Variants in MBOAT2 observed in about 807,000 individuals in gnomAD.
MBOAT2 encodes membrane-bound glycerophospholipid O-acyltransferase 2.
A neutral mutation model predicts 63.4 loss-of-function variants in MBOAT2; 28 were observed. The observed-to-expected ratio is 0.44, with a 90% CI of 0.33 to 0.61. The LOEUF is 0.61. MBOAT2 is among the 20% of genes least tolerant of loss of function. The pLI is 0.03. For synonymous variants in MBOAT2, 211 were observed against 215.6 expected, an observed-to-expected ratio of 0.98 and a Z score of 0.19; for missense variants, 470 against 605.8, an observed-to-expected ratio of 0.78 and a Z score of 2.35.
intron 1 of MBOAT2, among the ~76,000 whole-genome samples, chr2:8,982,422 C>G (rs563381118): frequency 1.8e-4 from 27 of 152,284 alleles, no homozygotes; most frequent in Admixed American, 1.6e-3. Context: ...AAAATCAATT[C>G]TAGTTCTTCG....
intron 1 of MBOAT2, among the ~76,000 whole-genome samples, chr2:8,962,406 G>A (rs1669678503): frequency 6.6e-6 from 1 of 152,196 alleles, no homozygotes; most frequent in African/African-American, 2.4e-5. Context: ...GGTAGACAGA[G>A]GATGTATTTC....
intron 1 of MBOAT2, among the ~76,000 whole-genome samples, chr2:8,967,734 C>T (rs1670100629): frequency 1.3e-5 from 2 of 151,950 alleles, no homozygotes; most frequent in African/African-American, 4.8e-5. Flanking sequence ...AGTGATAGAT[C>T]CAAACACATA....
rs186800543 is a variant in MBOAT2, at chr2:8,877,834, C to T, written c.507-621G>A. ...AGGCAGAGGGAATGATGCGTGAAGA[C>T]CCCTGAGCTGGGCACGGCTGGCAGC... On this transcript the variant is annotated intron_variant, in intron 6 of 12. Coordinates refer to ENST00000305997, the MANE Select transcript of MBOAT2 (RefSeq NM_138799.4). 5.4e-3 allele frequency among the ~76,000 whole-genome samples: 821 copies of T among 152,160 alleles called. 4 individuals are homozygous for T. The highest frequency in any genetic ancestry group is 8.5e-3 in the Non-Finnish European group (578 of 67,994).
intron 1 of MBOAT2, among the ~76,000 whole-genome samples, chr2:8,965,166 G>C (rs916184272): frequency 2.6e-5 from 4 of 152,106 alleles, no homozygotes; most frequent in African/African-American, 9.7e-5. Context: ...TTAAAAAACA[G>C]AAAATAGTTC....
intron 3 of MBOAT2, among the ~76,000 whole-genome samples, chr2:8,915,659 T>A (rs1335131002): frequency 2.0e-5 from 3 of 152,186 alleles, no homozygotes; most frequent in Non-Finnish European, 4.4e-5. Flanking sequence ...TTTTTCAAGT[T>A]CACACATCAG....
chr2:8,945,691 T>C (rs970625743), intron 2 of MBOAT2, among the ~76,000 whole-genome samples: 3 of 152,158 alleles, frequency 2.0e-5, no homozygotes, highest in African/African-American at 7.2e-5. Context: ...CTGTGGATCA[T>C]CATCTTTTAA....
At chr2:8,978,435 TTTAC>T (rs1394546024) in intron 1 of MBOAT2, among the ~76,000 whole-genome samples, 1 of 152,164 alleles carries the variant, frequency 6.6e-6, no homozygotes, top group Non-Finnish European at 1.5e-5. Context: ...TGTAAACAAT[TTTAC>T]TTATTTATTA....
intron 1 of MBOAT2, among the ~76,000 whole-genome samples, chr2:8,995,658 T>C (rs1672236395): frequency 1.3e-5 from 2 of 151,112 alleles, no homozygotes; most frequent in African/African-American, 4.9e-5. Context: ...TGGCACGATC[T>C]TGGCTCACTG....
chr2:8,942,144 C>G lies in MBOAT2; in HGVS notation c.299+1043G>C, dbSNP rs556837202. Among the ~76,000 whole-genome samples, 10 of 152,236 alleles carry G rather than the reference C, an allele frequency of 6.6e-5. No homozygotes were observed. In the South Asian group the frequency reaches 2.1e-3, roughly 32 times the overall value. On this transcript the variant is annotated intron_variant, in intron 3 of 12. Coordinates refer to ENST00000305997, the MANE Select transcript of MBOAT2 (RefSeq NM_138799.4). ...TGGTTTACAGAGGAAAAAGAAAAGT[C>G]AGTGCAGGCAATGTCAATGGAAATG... is the stretch of plus-strand genomic sequence containing the variant.
intron 1 of MBOAT2, among the ~76,000 whole-genome samples, chr2:8,999,100 G>A (rs766109411): frequency 3.3e-5 from 5 of 151,994 alleles, no homozygotes; most frequent in Non-Finnish European, 5.9e-5. Context: ...CCCCTTCCCC[G>A]TCCAAACCTT....
rs938665533 is a variant in MBOAT2, at chr2:8,914,934, C to CTTTTTTTTT, written c.300-6227_300-6219dup. Among the ~76,000 whole-genome samples the CTTTTTTTTT allele has an allele frequency of 8.5e-4, 51 of 60,234 alleles. 2 individuals are homozygous for CTTTTTTTTT. Among genetic ancestry groups the CTTTTTTTTT allele is most frequent in the East Asian group, 1.1e-3 (2 of 1,780 alleles). 39.5% of individuals were successfully genotyped at this position (60,234 alleles called of 152,430 possible). A position where few individuals can be genotyped will look rare whatever the true frequency, so the allele number is the denominator to read the frequency against. Reference sequence around the variant, plus strand: ...TTTAAACTGTGACTACTGGAAATTTCTTTTTTTTTTTTTTTTTTTTTTTTG... The same window carrying CTTTTTTTTT: ...TTTAAACTGTGACTACTGGAAATTTCTTTTTTTTTTTTTTTTTTTTTTTTTTTTTTTTTG... On this transcript the variant is annotated intron_variant, in intron 3 of 12. Transcript: ENST00000305997.
intron 4 of MBOAT2, among the ~76,000 whole-genome samples, chr2:8,902,671 G>A (rs1665043615): frequency 6.6e-6 from 1 of 152,284 alleles, no homozygotes; most frequent in East Asian, 1.9e-4. Context: ...GTTCATAAAG[G>A]CAGTGCATCT....
chr2:8,912,327 G>GAA (rs759803850), intron 3 of MBOAT2, among the ~76,000 whole-genome samples: 2 of 91,110 alleles, frequency 2.2e-5, no homozygotes, highest in African/African-American at 4.6e-5. Context: ...AAGAAAGAAA[G>GAA]AAAGAAAGAA....
intron 7 of MBOAT2, among the ~76,000 whole-genome samples, chr2:8,876,479 A>G (rs898678706): frequency 2.0e-5 from 3 of 152,226 alleles, no homozygotes; most frequent in African/African-American, 7.2e-5. Context: ...GCTATTATTA[A>G]TATCTTTATC....
At position 8,908,711 on chromosome 2, in the gene MBOAT2, C is replaced by T; in HGVS notation, c.305G>A (p.Cys102Tyr). The T allele has an allele frequency of 6.2e-7, 1 of 1,600,998 alleles. No homozygotes were observed. Among genetic ancestry groups the T allele is most frequent in the Non-Finnish European group, 8.5e-7 (1 of 1,170,456 alleles). Residue 102 changes from cysteine (C) to tyrosine (Y), a missense_variant, in exon 4 of 13, where the codon TGC becomes TAC. Transcript: ENST00000305997. ...GAGGTATCCCAGAGCAAACACAAAG[C>T]AGTAACTGCAAAACAAAAATAAGCT... The part of the protein sequence containing the change: ...IIGVENMHNY[C>Y]FVFALGYLTV...
intron 4 of MBOAT2, among the ~76,000 whole-genome samples, chr2:8,902,037 G>A (rs539436989): frequency 7.2e-5 from 11 of 152,236 alleles, no homozygotes; most frequent in East Asian, 3.9e-4. Context: ...TCGGGACCCC[G>A]GAGCTGAATG....
intron 3 of MBOAT2, among the ~76,000 whole-genome samples, chr2:8,940,780 C>CA (rs1016041596): frequency 4.0e-5 from 6 of 150,874 alleles, no homozygotes; most frequent in African/African-American, 1.2e-4. Context: ...GAGCATAAAG[C>CA]AAAAAAAATC....
rs141789182 is a variant in MBOAT2 at position 8,953,143 on chromosome 2, C to CTAAG, written c.221+5350_221+5353dup. ...TCTGTGTTAGAACTCCCTTAAGGATCTAAGGCTGGTCTGATGGTAACAAAT... is the reference window on the plus strand; with the variant it reads ...TCTGTGTTAGAACTCCCTTAAGGATCTAAGTAAGGCTGGTCTGATGGTAACAAAT... On this transcript the variant is annotated intron_variant, in intron 2 of 12. Coordinates refer to ENST00000305997, the MANE Select transcript of MBOAT2 (RefSeq NM_138799.4). Among the ~76,000 whole-genome samples, 432 of 152,236 alleles carry CTAAG rather than the reference C, an allele frequency of 2.8e-3. 4 individuals carry two copies. Among genetic ancestry groups the CTAAG allele is most frequent in the South Asian group, 0.013 (61 of 4,824 alleles).
At chr2:8,868,122 C>G (rs546191972) in intron 9 of MBOAT2, among the ~76,000 whole-genome samples, 2 of 152,250 alleles carry the variant, frequency 1.3e-5, no homozygotes, top group Admixed American at 1.3e-4. Context: ...GGACTCTCTT[C>G]CCCCAAACAC....
Sources: allele counts gnomAD v4.1 joint callset (sites outside exome capture counted in the v4.1 genomes callset), GRCh38; gene constraint gnomAD v4.1.1; transcripts MANE v1.5; gene names NCBI Gene and HGNC (gene_info 2026-07-23, HGNC 2026-07-21).